The following CRISPLD1 variants were observed in gnomAD, a reference collection of about 807,000 sequenced individuals.
CRISPLD1 encodes the protein cysteine-rich secretory protein LCCL domain-containing 1.
In CRISPLD1, 60 loss-of-function variants were observed where a neutral mutation model predicts 77.5. That is an observed-to-expected ratio of 0.77 (90% confidence interval 0.63 to 0.96). CRISPLD1 has a LOEUF of 0.96. Among genes scored for constraint, CRISPLD1 ranks in the 40% least tolerant of loss-of-function variants. The probability of loss-of-function intolerance (pLI) is 0.00; values close to 1 mark genes in which losing one functional copy is unlikely to be tolerated. For missense variants in CRISPLD1, 623 were observed against 615.8 expected, an observed-to-expected ratio of 1.01 and a Z score of -0.12; for synonymous variants, 195 against 200.1, an observed-to-expected ratio of 0.97 and a Z score of 0.22.
intron 2 of CRISPLD1, among the ~76,000 whole-genome samples, chr8:75,001,032 T>G (rs1812731392): frequency 6.6e-6 from 1 of 152,166 alleles, no homozygotes; most frequent in Non-Finnish European, 1.5e-5. Context: ...GCAAGTTTGA[T>G]GTGATATGTA....
chr8:75,015,010 C>A, intron 6 of CRISPLD1, 98 bp downstream of exon 6: 1 of 646,466 alleles, frequency 1.5e-6, no homozygotes, highest in Non-Finnish European at 2.5e-6. Flanking sequence ...ACTTAATGAT[C>A]ACACGAAAAG....
chr8:75,018,875 A>G (rs1291335549), intron 10 of CRISPLD1, among the ~76,000 whole-genome samples: 2 of 152,220 alleles, frequency 1.3e-5, no homozygotes, highest in African/African-American at 4.8e-5. Flanking sequence ...TACAGGCGTG[A>G]GCCACCACAC....
intron 2 of CRISPLD1, among the ~76,000 whole-genome samples, chr8:74,997,951 AGAT>A: frequency 6.6e-6 from 1 of 152,332 alleles, no homozygotes; most frequent in South Asian, 2.1e-4. Context: ...AACTATCTCA[AGAT>A]GATGTTGCTG....
chr8:75,029,585 A>T, intron 14 of CRISPLD1, 68 bp downstream of exon 14: 1 of 1,486,132 alleles, frequency 6.7e-7, no homozygotes, highest in Non-Finnish European at 9.2e-7. Flanking sequence ...ATTGCTTTAC[A>T]GTTGACCCAC....
intron 8 of CRISPLD1, 46 bp downstream of exon 8, chr8:75,016,987 T>G (rs775464109): frequency 1.3e-6 from 2 of 1,530,520 alleles, no homozygotes. Context: ...ATAATAAATA[T>G]TTTTATTTTG....
intron 2 of CRISPLD1, among the ~76,000 whole-genome samples, chr8:75,006,365 A>G (rs985390885): frequency 1.3e-5 from 2 of 152,178 alleles, no homozygotes; most frequent in Non-Finnish European, 2.9e-5. Context: ...AACAAATTCA[A>G]TCATTTCTAT....
chr8:75,006,161 T>A (rs1288922020), intron 2 of CRISPLD1, among the ~76,000 whole-genome samples: 1 of 152,128 alleles, frequency 6.6e-6, no homozygotes, highest in Admixed American at 6.6e-5. Flanking sequence ...CACTTATAAG[T>A]GAGAGCATGC....
chr8:75,017,546 A>C (rs1813056712), intron 10 of CRISPLD1, 96 bp downstream of exon 10: 2 of 1,071,482 alleles, frequency 1.9e-6, no homozygotes, highest in Non-Finnish European at 2.6e-6. Flanking sequence ...ATAATTTAAG[A>C]AGAAAGAATT....
Position 74,991,373 on chromosome 8 carries a change from G to A in CRISPLD1, c.258+5128G>A, listed in dbSNP as rs141813468. Among the ~76,000 whole-genome samples the A allele has an allele frequency of 1.8e-3, 276 of 152,090 alleles. 1 individual carries two copies. The highest frequency in any genetic ancestry group is 6.2e-3 in the African/African-American group (257 of 41,478). ...TGACTTTTCCCTCAAACCAATCTGCGCTGGTTGCTTAGTTGCACAAAAGTT... is the reference window on the plus strand; with the variant it reads ...TGACTTTTCCCTCAAACCAATCTGCACTGGTTGCTTAGTTGCACAAAAGTT... On this transcript the variant is annotated intron_variant, in intron 2 of 14. Transcript: ENST00000262207.
intron 2 of CRISPLD1, among the ~76,000 whole-genome samples, chr8:74,988,935 A>G (rs1262355275): frequency 6.6e-6 from 1 of 152,222 alleles, no homozygotes; most frequent in African/African-American, 2.4e-5. Context: ...ATTTGCTCAT[A>G]AGCAAGGACA....
intron 4 of CRISPLD1, among the ~76,000 whole-genome samples, chr8:75,013,656 T>C (rs985245823): frequency 6.6e-6 from 1 of 152,190 alleles, no homozygotes; most frequent in Admixed American, 6.6e-5. Context: ...TGTGATTTTC[T>C]GTTCCTTTGT....
intron 2 of CRISPLD1, among the ~76,000 whole-genome samples, chr8:74,997,891 G>A (rs562336954): frequency 6.6e-6 from 1 of 152,342 alleles, no homozygotes; most frequent in Admixed American, 6.5e-5. Flanking sequence ...ATGCTCAGAA[G>A]TCTTGTTAAG....
intron 2 of CRISPLD1, among the ~76,000 whole-genome samples, chr8:75,007,724 G>A (rs1189232446): frequency 1.4e-5 from 2 of 140,426 alleles, no homozygotes; most frequent in East Asian, 4.3e-4. Flanking sequence ...CCAGGCTAGA[G>A]TGCAGTAGTA....
At chr8:75,030,081 T>C (rs1813307113) in intron 14 of CRISPLD1, among the ~76,000 whole-genome samples, 1 of 152,146 alleles carries the variant, frequency 6.6e-6, no homozygotes, top group African/African-American at 2.4e-5. Flanking sequence ...TTATCAGGTA[T>C]CAATAAATAT....
intron 2 of CRISPLD1, among the ~76,000 whole-genome samples, chr8:75,002,496 A>AAG: frequency 6.6e-6 from 1 of 151,402 alleles, no homozygotes; most frequent in Non-Finnish European, 1.5e-5. Flanking sequence ...CAGTAAAAAA[A>AAG]AAAATAATAA....
intron 2 of CRISPLD1, among the ~76,000 whole-genome samples, chr8:75,007,932 G>A (rs947843110): frequency 9.9e-5 from 15 of 151,928 alleles, no homozygotes; most frequent in Middle Eastern, 3.4e-3. Flanking sequence ...TACCACCCTC[G>A]CCTCCCGCAA....
chr8:75,019,644 A>G (rs1347249566), intron 10 of CRISPLD1, among the ~76,000 whole-genome samples: 1 of 152,052 alleles, frequency 6.6e-6, no homozygotes, highest in Non-Finnish European at 1.5e-5. Flanking sequence ...TTTTGAGATC[A>G]ATAATGAAAA....
chr8:75,028,581 A>G (rs1047883469), intron 13 of CRISPLD1, among the ~76,000 whole-genome samples: 1 of 152,200 alleles, frequency 6.6e-6, no homozygotes, highest in Non-Finnish European at 1.5e-5. Context: ...GAAGATTTTA[A>G]TGGGCCAAAA....
Position 75,033,060 on chromosome 8 carries a change from C to T in CRISPLD1, c.*818C>T, listed in dbSNP as rs1813380341. The T allele has an allele frequency of 6.6e-6, 1 of 152,190 alleles. No homozygotes were observed. Among genetic ancestry groups the T allele is most frequent in the Non-Finnish European group, 1.5e-5 (1 of 67,788 alleles). 9.4% of individuals were successfully genotyped at this position (152,190 alleles called of 1,614,324 possible). A position where few individuals can be genotyped will look rare whatever the true frequency, so the allele number is the denominator to read the frequency against. ...TAGCAAAAAGTTGAACAAAGATGAA[C>T]TAATGTATTACATTACCATTGCCAC... On this transcript the variant is annotated 3_prime_UTR_variant, in exon 15 of 15. Transcript: ENST00000262207.
Sources: allele counts gnomAD v4.1 joint callset (sites outside exome capture counted in the v4.1 genomes callset), GRCh38; gene constraint gnomAD v4.1.1; transcripts MANE v1.5; gene names NCBI Gene and HGNC (gene_info 2026-07-23, HGNC 2026-07-21).